Variants in XAF1 observed in about 807,000 individuals in gnomAD.
The protein encoded by XAF1 is XIAP associated factor 1.
XAF1 carries 32 observed loss-of-function variants against 32.3 expected under a neutral mutation model. That is an observed-to-expected ratio of 0.99 (90% CI 0.75 to 1.33). The LOEUF (loss-of-function observed/expected upper bound fraction) is 1.33, where lower values mean the gene tolerates loss of function less well. Among genes scored for constraint, XAF1 ranks in the 40% most tolerant of loss-of-function variants. The pLI, the probability that XAF1 is intolerant of heterozygous loss-of-function variation, is 0.00. For synonymous variants in XAF1, 120 were observed against 125.9 expected, an observed-to-expected ratio of 0.95 and a Z score of 0.31; for missense variants, 379 against 366.0, an observed-to-expected ratio of 1.04 and a Z score of -0.29.
At chr17:6,755,888 G>T, upstream of XAF1, 1 of 1,412,138 alleles carries the variant, frequency 7.1e-7, no homozygotes, top group Admixed American at 2.9e-5. Flanking sequence ...GGCGACAGCA[G>T]GGGCTGGCCA....
rs1234803927 is a variant in XAF1 at position 6,774,372 on chromosome 17, G to A, written c.*1203G>A. Reference sequence around the variant, plus strand: ...GGATAACTAGCTAGCCATATGCAGAGGATTGAAACTGAACCACTTCCTTAC... The same window carrying A: ...GGATAACTAGCTAGCCATATGCAGAAGATTGAAACTGAACCACTTCCTTAC... On this transcript the variant is annotated 3_prime_UTR_variant, in exon 7 of 7. Transcript: ENST00000361842. 1 of 152,140 alleles carries A rather than the reference G, an allele frequency of 6.6e-6. No individual in the cohort carries two copies. Among genetic ancestry groups the A allele is most frequent in the Non-Finnish European group, 1.5e-5 (1 of 68,020 alleles). 9.4% of individuals were successfully genotyped at this position (152,140 alleles called of 1,614,324 possible). A position where few individuals can be genotyped will look rare whatever the true frequency, so the allele number is the denominator to read the frequency against.
At position 6,758,082 on chromosome 17, in the gene XAF1, C is replaced by A. The variant is rs775047532; in HGVS notation, c.33-7C>A. On this transcript the variant is annotated splice_polypyrimidine_tract_variant and splice_region_variant and intron_variant, in intron 1 of 6. Transcript: ENST00000361842. ...TATTTTTCTATCCCCACACCTTGAC[C>A]CTGTAGTAAAAGACATGTAGTCTCT... The A allele has an allele frequency of 3.7e-6, 6 of 1,614,064 alleles. No individual in the cohort carries two copies. Among genetic ancestry groups the A allele is most frequent in the Non-Finnish European group, 5.1e-6 (6 of 1,180,040 alleles).
chr17:6,773,793 T>TA lies in XAF1; in HGVS notation c.*625dup. 1 of 152,118 alleles carries TA rather than the reference T, an allele frequency of 6.6e-6. No individual in the cohort carries two copies. Among genetic ancestry groups the TA allele is most frequent in the Non-Finnish European group, 1.5e-5 (1 of 68,022 alleles). 9.4% of individuals were successfully genotyped at this position (152,118 alleles called of 1,614,324 possible). A position where few individuals can be genotyped will look rare whatever the true frequency, so the allele number is the denominator to read the frequency against. On this transcript the variant is annotated 3_prime_UTR_variant, in exon 7 of 7. Transcript: ENST00000361842. Reference sequence around the variant, plus strand: ...GAGAGCCAAATCAAGAATGCAATCCTATTCACAATTGCCACAAAAAGAATA... The same window carrying TA: ...GAGAGCCAAATCAAGAATGCAATCCTAATTCACAATTGCCACAAAAAGAATA...
Position 6,775,634 on chromosome 17 carries a change from A to G in XAF1, c.*2465A>G, listed in dbSNP as rs138362390. ...CCGGCTTTGTCCCCAAAGAATAAAA[A>G]CACCTCTCTAAAAGCTGCTCTTCCA... On this transcript the variant is annotated 3_prime_UTR_variant, in exon 7 of 7. Transcript: ENST00000361842. 7 of 152,370 alleles carry G rather than the reference A, an allele frequency of 4.6e-5. No homozygotes were observed. The East Asian group carries it at 1.4e-3, about 29-fold the overall frequency. The allele number at this position is 152,370 out of a possible 1,614,324, so 9.4% of individuals were successfully genotyped here.
chr17:6,761,872 A>T (rs1597727290), intron 4 of XAF1: 6 of 1,438,558 alleles, frequency 4.2e-6, no homozygotes, highest in Non-Finnish European at 5.5e-6. Flanking sequence ...CTACAGCTCC[A>T]TTCATCTCCT....
intron 5 of XAF1, among the ~76,000 whole-genome samples, chr17:6,763,502 A>G (rs1567654251): frequency 6.7e-6 from 1 of 149,920 alleles, no homozygotes; most frequent in African/African-American, 2.5e-5. Flanking sequence ...TAATTTTTGT[A>G]TTTTTTTTTA....
At position 6,759,056 on chromosome 17, in the gene XAF1, A is replaced by C. The variant is rs899285051; in HGVS notation, c.169-606A>C. 4.0e-6 allele frequency: 3 copies of C among 752,920 alleles called. No homozygotes were observed. In the African/African-American group the frequency reaches 5.8e-5, roughly 14 times the overall value. The allele number at this position is 752,920 out of a possible 1,614,324, so 46.6% of individuals were successfully genotyped here. A position where few individuals can be genotyped will look rare whatever the true frequency, so the allele number is the denominator to read the frequency against. ...ATGGCTCCAGTCCTCCCTGCAGGAG[A>C]GATGGGGTCCGGGAGTTGGGGTGAG... On this transcript the variant is annotated intron_variant, in intron 2 of 6. Coordinates refer to ENST00000361842, the MANE Select transcript of XAF1 (RefSeq NM_017523.5).
upstream of XAF1, chr17:6,755,574 C>T: frequency 9.9e-7 from 1 of 1,006,308 alleles, no homozygotes; most frequent in Non-Finnish European, 1.2e-6. Context: ...CAGAGCCTCC[C>T]TGGACGCTGT....
chr17:6,763,173 A>G (rs1187582540), intron 5 of XAF1, among the ~76,000 whole-genome samples: 1 of 152,082 alleles, frequency 6.6e-6, no homozygotes, highest in Non-Finnish European at 1.5e-5. Context: ...TTCTATCTCT[A>G]TGGATTTGTC....
At position 6,770,820 on chromosome 17, in the gene XAF1, A is replaced by G. The variant is rs1237027546; in HGVS notation, c.685A>G (p.Lys229Glu). 17 of 1,613,540 alleles carry G rather than the reference A, an allele frequency of 1.1e-5. No individual in the cohort carries two copies. The highest frequency in any genetic ancestry group is 1.2e-5 in the Non-Finnish European group (14 of 1,179,906). ...TCCTCTTCATTCTGAAAGTTCATCA[A>G]AGAAAGCACCAAGAAGCAAAAACAA... Reference protein sequence around the residue: ...RFPLHSESSSKKAPRSKNKTL... With the variant: ...RFPLHSESSSEKAPRSKNKTL... Residue 229 changes from lysine (K) to glutamate (E), a missense_variant, in exon 6 of 7, where the codon AAG becomes GAG. By Grantham distance (56) the Lys-to-Glu change is moderately conservative (BLOSUM62 1). Coordinates refer to ENST00000361842, the MANE Select transcript of XAF1 (RefSeq NM_017523.5).
intron 2 of XAF1, chr17:6,759,359 C>T (rs1288785569): frequency 1.3e-5 from 18 of 1,342,634 alleles, no homozygotes; most frequent in South Asian, 2.2e-5. Context: ...TCCTGGAAGG[C>T]AGTCAGATGG....
rs1050224632 is a variant in XAF1 at position 6,756,126 on chromosome 17, C to T, written c.32+16C>T. ...GCAGGAACTGGTAAGAAAGTGCTTT[C>T]TCCAGCGGCAGACCCGGGCTGGCGA... On this transcript the variant is annotated intron_variant, in intron 1 of 6. Transcript: ENST00000361842. The T allele has an allele frequency of 6.2e-7, 1 of 1,614,004 alleles. No individual in the cohort carries two copies. The highest frequency in any genetic ancestry group is 1.3e-5 in the African/African-American group (1 of 74,998).
At position 6,774,729 on chromosome 17, in the gene XAF1, C is replaced by T. The variant is rs1187021075; in HGVS notation, c.*1560C>T. On this transcript the variant is annotated 3_prime_UTR_variant, in exon 7 of 7. Coordinates refer to ENST00000361842, the MANE Select transcript of XAF1 (RefSeq NM_017523.5). ...TCAGGGAATCAAACTAAATGTCCAT[C>T]AGTGGTAGAAAGGATAAAGAAAATG... 1 of 152,072 alleles carries T rather than the reference C, an allele frequency of 6.6e-6. No homozygotes were observed. The highest frequency in any genetic ancestry group is 1.5e-5 in the Non-Finnish European group (1 of 68,010). The allele number at this position is 152,072 out of a possible 1,614,324, so 9.4% of individuals were successfully genotyped here.
intron 1 of XAF1, 108 bp from the exon 2 acceptor site, chr17:6,757,981 T>C: frequency 2.0e-6 from 3 of 1,474,060 alleles, no homozygotes; most frequent in Non-Finnish European, 2.8e-6. Context: ...CATCACATGT[T>C]CAGTGCTTAA....
intron 5 of XAF1, among the ~76,000 whole-genome samples, chr17:6,770,191 T>C (rs1027150403): frequency 1.1e-4 from 17 of 152,196 alleles, no homozygotes; most frequent in Non-Finnish European, 2.9e-5. Context: ...TTCTGAAGAC[T>C]GGGAAGTTCA....
chr17:6,759,587 T>A, intron 2 of XAF1, 75 bp from the exon 3 acceptor site: 1 of 1,601,138 alleles, frequency 6.2e-7, no homozygotes, highest in Non-Finnish European at 8.5e-7. Context: ...TGAGCCAAAG[T>A]GGATGTGGGG....
chr17:6,765,706 T>G (rs1208275437), intron 5 of XAF1, among the ~76,000 whole-genome samples: 2 of 152,188 alleles, frequency 1.3e-5, no homozygotes, highest in Non-Finnish European at 2.9e-5. Context: ...TCCGCATTGC[T>G]ACCCTGGTAT....
In XAF1 at chr17:6,773,843, A is replaced by G. The variant is rs1267105004; in HGVS notation, c.*674A>G. On this transcript the variant is annotated 3_prime_UTR_variant, in exon 7 of 7. Coordinates refer to ENST00000361842, the MANE Select transcript of XAF1 (RefSeq NM_017523.5). The stretch of plus-strand genomic sequence containing the variant: ...AAAATACCTAGGAATACAGCTAACC[A>G]GGGAGATGAAAGATCTCTACAACAA... The G allele has an allele frequency of 6.6e-6, 1 of 152,216 alleles. No homozygotes were observed. Among genetic ancestry groups the G allele is most frequent in the Non-Finnish European group, 1.5e-5 (1 of 68,034 alleles). The allele number at this position is 152,216 out of a possible 1,614,324, so 9.4% of individuals were successfully genotyped here. A position where few individuals can be genotyped will look rare whatever the true frequency, so the allele number is the denominator to read the frequency against.
chr17:6,773,262 A>G lies in XAF1; in HGVS notation c.*93A>G. 1 of 1,200,814 alleles carries G rather than the reference A, an allele frequency of 8.3e-7. No homozygotes were observed. Among genetic ancestry groups the G allele is most frequent in the Non-Finnish European group, 1.2e-6 (1 of 863,126 alleles). 74.4% of individuals were successfully genotyped at this position (1,200,814 alleles called of 1,614,324 possible). Reference sequence around the variant, plus strand: ...TGCTGTGGTGGTCTTGTGAAAGGTGATGGGTTTTATTCGTTGGGCTTTAAA... The same window carrying G: ...TGCTGTGGTGGTCTTGTGAAAGGTGGTGGGTTTTATTCGTTGGGCTTTAAA... On this transcript the variant is annotated 3_prime_UTR_variant, in exon 7 of 7. Coordinates refer to ENST00000361842, the MANE Select transcript of XAF1 (RefSeq NM_017523.5).
Sources: allele counts gnomAD v4.1 joint callset (sites outside exome capture counted in the v4.1 genomes callset), GRCh38; gene constraint gnomAD v4.1.1; transcripts MANE v1.5; gene names NCBI Gene and HGNC (gene_info 2026-07-23, HGNC 2026-07-21).